The following GPRC5C variants were observed in gnomAD, a reference collection of about 807,000 sequenced individuals.
GPRC5C encodes the protein G protein-coupled receptor class C group 5 member C.
GPRC5C carries 22 observed loss-of-function variants against 31.4 expected under a neutral mutation model. The observed-to-expected ratio is 0.70, with a 90% CI of 0.50 to 1.00. GPRC5C has a LOEUF of 1.00. Ranked by LOEUF, GPRC5C falls within the 50% of genes least tolerant of loss-of-function variation. The pLI is 0.00. For synonymous variants in GPRC5C, 249 were observed against 257.5 expected (o/e 0.97, Z 0.32); for missense variants, 557 against 597.2 (o/e 0.93, Z 0.70).
In GPRC5C at chr17:74,432,101, T is replaced by C. The variant is rs1485862346; in HGVS notation, c.-73T>C. 1 of 1,613,080 alleles carries C rather than the reference T, an allele frequency of 6.2e-7. No individual in the cohort carries two copies. The highest frequency in any genetic ancestry group is 1.1e-5 in the South Asian group (1 of 91,064). On this transcript the variant is annotated 5_prime_UTR_variant, in exon 1 of 4. Transcript: ENST00000392627. ...GCCGGCAGGGCCAGAAACTCCCATC[T>C]CCCTCACCAGCCGGAAAGTACGAGT...
intron 1 of GPRC5C, chr17:74,433,856 G>A: frequency 1.1e-6 from 1 of 885,392 alleles, no homozygotes; most frequent in East Asian, 2.4e-5. Context: ...AGGCTTGTGT[G>A]TGGATGATGC....
downstream of GPRC5C, chr17:74,449,238 C>A: frequency 3.5e-6 from 2 of 566,000 alleles, no homozygotes; most frequent in Non-Finnish European, 6.1e-6. Context: ...TTGCATTAGC[C>A]TCCTGGGGAC....
chr17:74,446,476 A>T, intron 3 of GPRC5C: 1 of 171,832 alleles, frequency 5.8e-6, no homozygotes, highest in Non-Finnish European at 1.2e-5. Context: ...AGATTCTTGG[A>T]GGAAGGGGGC....
rs189986532 is a variant in GPRC5C, at chr17:74,437,818, A to T, written c.-32-1927A>T. Among the ~76,000 whole-genome samples the T allele has an allele frequency of 9.2e-5, 14 of 152,076 alleles. No homozygotes were observed. The East Asian group carries it at 2.5e-3, about 27-fold the overall frequency. On this transcript the variant is annotated intron_variant, in intron 1 of 3. Transcript: ENST00000392627. ...AAAAAGGGTGGCAGCCTCACAGAAG[A>T]GAGTTAGATAATGCCATTCCCCTGC...
In GPRC5C at chr17:74,440,028, G is replaced by A. The variant is rs370334368; in HGVS notation, c.252G>A (p.Arg84=). ...CCTTTGTGCAGGACACCAAGAAACG[G>A]AGCCTGCTGGGGACCCAGGTATTCT... The part of the protein sequence containing the change: ...SLPFVQDTKK[R]SLLGTQVFFL... Residue 84 remains arginine (R), a synonymous_variant, in exon 2 of 4, where the codon CGG becomes CGA. Transcript: ENST00000392627. The surrounding 1 kb of genome is among the most constrained non-coding windows in gnomAD (Gnocchi z 4.4). The A allele has an allele frequency of 3.7e-6, 6 of 1,610,710 alleles. No individual in the cohort carries two copies. In the African/African-American group the frequency reaches 6.7e-5, roughly 18 times the overall value.
chr17:74,443,532 T>G, intron 2 of GPRC5C: 2 of 571,806 alleles, frequency 3.5e-6, no homozygotes, highest in Non-Finnish European at 6.6e-6. Flanking sequence ...GACAGAGCAT[T>G]TTCTGAGCTG....
intron 1 of GPRC5C, among the ~76,000 whole-genome samples, chr17:74,435,226 GA>G (rs558671895): frequency 1.3e-3 from 185 of 147,864 alleles, no homozygotes; most frequent in South Asian, 2.4e-3. Flanking sequence ...CTCAAAAAAA[GA>G]AAAAAAAAAG....
chr17:74,449,336 C>G (rs2055687920), downstream of GPRC5C: 18 of 1,300,986 alleles, frequency 1.4e-5, no homozygotes, highest in Non-Finnish European at 1.8e-5. Flanking sequence ...TCACTTTAGG[C>G]TCAGTCCCCA....
chr17:74,442,699 AATCCTC>A (rs1469573777), intron 2 of GPRC5C, among the ~76,000 whole-genome samples: 2 of 152,236 alleles, frequency 1.3e-5, no homozygotes, highest in African/African-American at 4.8e-5. Flanking sequence ...CACACTGTGA[AATCCTC>A]ATAATCCCTG....
Position 74,432,136 on chromosome 17 carries a change from C to G in GPRC5C, c.-38C>G. 2 of 1,612,678 alleles carry G rather than the reference C, an allele frequency of 1.2e-6. No individual in the cohort carries two copies. The highest frequency in any genetic ancestry group is 1.7e-6 in the Non-Finnish European group (2 of 1,179,526). ...GCCGGAAAGTACGAGTCGGCTCAGCCTGGAGGTGAGTCGGGGCGGGGAGGG... is the reference window on the plus strand; with the variant it reads ...GCCGGAAAGTACGAGTCGGCTCAGCGTGGAGGTGAGTCGGGGCGGGGAGGG... On this transcript the variant is annotated 5_prime_UTR_variant, in exon 1 of 4. Coordinates refer to ENST00000392627, the MANE Select transcript of GPRC5C (RefSeq NM_022036.4).
downstream of GPRC5C, among the ~76,000 whole-genome samples, chr17:74,447,914 G>T (rs2055667099): frequency 6.6e-6 from 1 of 152,262 alleles, no homozygotes; most frequent in Non-Finnish European, 1.5e-5. Flanking sequence ...ACGTGCAAAG[G>T]AATGGCCTAG....
intron 1 of GPRC5C, among the ~76,000 whole-genome samples, chr17:74,436,123 C>A (rs1347897642): frequency 6.6e-6 from 1 of 152,204 alleles, no homozygotes; most frequent in African/African-American, 2.4e-5. Flanking sequence ...TAGGATAATG[C>A]CCCCAGCCCC....
chr17:74,438,431 T>C (rs2055475707), intron 1 of GPRC5C, among the ~76,000 whole-genome samples: 1 of 151,738 alleles, frequency 6.6e-6, no homozygotes, highest in African/African-American at 2.4e-5. Context: ...CGGCTAATTT[T>C]TGTATTTTTA....
At chr17:74,448,624 C>A (rs1358828496), downstream of GPRC5C, among the ~76,000 whole-genome samples, 1 of 152,150 alleles carries the variant, frequency 6.6e-6, no homozygotes, top group East Asian at 1.9e-4. Context: ...AGTGATCTGC[C>A]CACCTCAGCC....
chr17:74,447,263 G>A lies in GPRC5C; in HGVS notation c.*235G>A, dbSNP rs2055655594. ...CCCAGCCTCCTGCCAGGATCACCTC[G>A]GCGGTCACACTCCAGCCAAATAGTG... On this transcript the variant is annotated 3_prime_UTR_variant, in exon 4 of 4. Transcript: ENST00000392627. 1.1e-5 allele frequency: 14 copies of A among 1,289,192 alleles called. No individual in the cohort carries two copies. The highest frequency in any genetic ancestry group is 9.4e-5 in the East Asian group (3 of 31,782). The allele number at this position is 1,289,192 out of a possible 1,614,324, so 79.9% of individuals were successfully genotyped here.
chr17:74,446,187 T>G (rs974741147), intron 3 of GPRC5C: 1 of 151,644 alleles, frequency 6.6e-6, no homozygotes, highest in Non-Finnish European at 1.5e-5. Flanking sequence ...GCATGGTGGC[T>G]CACACCTATA....
intron 1 of GPRC5C, chr17:74,433,743 AGCCATTG>A: frequency 6.2e-7 from 1 of 1,613,200 alleles, no homozygotes; most frequent in African/African-American, 1.3e-5. Flanking sequence ...CCTTGAAGAC[AGCCATTG>A]GCCATGGGTC....
chr17:74,442,548 C>G (rs1210892001), intron 2 of GPRC5C, among the ~76,000 whole-genome samples: 1 of 152,226 alleles, frequency 6.6e-6, no homozygotes, highest in African/African-American at 2.4e-5. Context: ...ACCCTGCCCC[C>G]AGACTGTGCT....
intron 2 of GPRC5C, 108 bp from the exon 3 acceptor site, chr17:74,443,710 C>A: frequency 2.2e-6 from 2 of 902,814 alleles, no homozygotes; most frequent in East Asian, 4.9e-5. Context: ...GTTGGCCTGC[C>A]CCCTTTACCT....
Sources: gnomAD v4.1 joint callset for allele counts (sites outside exome capture counted in the v4.1 genomes callset) on GRCh38, gnomAD v4.1.1 for gene constraint, Gnocchi (gnomAD v3.1) non-coding constraint, MANE v1.5 for transcripts, NCBI Gene and HGNC (gene_info 2026-07-23, HGNC 2026-07-21) for gene names.